STK4: variants seen among roughly 807,000 people sequenced by gnomAD.
STK4 encodes the protein serine/threonine kinase 4.
STK4 carries 30 observed loss-of-function variants against 64.9 expected under a neutral mutation model. That is an observed-to-expected ratio of 0.46 (90% CI 0.35 to 0.63). The LOEUF (loss-of-function observed/expected upper bound fraction) is 0.63. Among genes scored for constraint, STK4 ranks in the 20% least tolerant of loss-of-function variants. The pLI, the probability that STK4 is intolerant of heterozygous loss-of-function variation, is 0.01. For synonymous variants in STK4, 177 were observed against 199.0 expected (o/e 0.89, Z 0.93); for missense variants, 466 against 598.5 (o/e 0.78, Z 2.31).
intron 4 of STK4, among the ~76,000 whole-genome samples, chr20:44,982,878 A>G (rs1170836211): frequency 6.7e-6 from 1 of 148,538 alleles, no homozygotes; most frequent in Non-Finnish European, 1.5e-5. Flanking sequence ...AATAGAAAAG[A>G]TATAATAATG....
chr20:45,012,441 CTG>C (rs1418909769), intron 9 of STK4, among the ~76,000 whole-genome samples: 5 of 152,312 alleles, frequency 3.3e-5, no homozygotes, highest in African/African-American at 1.2e-4. Flanking sequence ...ATTGCCATCT[CTG>C]TGTTAATTCT....
chr20:45,016,736 C>G (rs542663183), intron 9 of STK4, among the ~76,000 whole-genome samples: 1 of 152,210 alleles, frequency 6.6e-6, no homozygotes, highest in South Asian at 2.1e-4. Context: ...GATAGCTACT[C>G]CAGTATAGTT....
chr20:45,055,244 C>T (rs1333752925), intron 10 of STK4, among the ~76,000 whole-genome samples: 2 of 152,174 alleles, frequency 1.3e-5, no homozygotes, highest in African/African-American at 4.8e-5. Context: ...TGGTTTCATC[C>T]TCTGTGGCTC....
intron 9 of STK4, among the ~76,000 whole-genome samples, chr20:45,023,812 C>T (rs2068292245): frequency 6.6e-6 from 1 of 151,998 alleles, no homozygotes. Flanking sequence ...CCAGTCTTCC[C>T]TGACCACACA....
chr20:44,966,891 C>CG (rs1212387684), intron 1 of STK4, among the ~76,000 whole-genome samples: 1 of 151,996 alleles, frequency 6.6e-6, no homozygotes, highest in Non-Finnish European at 1.5e-5. Flanking sequence ...CCGGGCCACT[C>CG]GGGGGAACGC....
intron 10 of STK4, 67 bp downstream of exon 10, chr20:45,025,197 G>T: frequency 6.6e-7 from 1 of 1,524,208 alleles, no homozygotes; most frequent in South Asian, 1.3e-5. Flanking sequence ...ACACATTAGT[G>T]CCCAAGCATT....
At chr20:45,037,454 A>C (rs1451962456) in intron 10 of STK4, among the ~76,000 whole-genome samples, 1 of 152,168 alleles carries the variant, frequency 6.6e-6, no homozygotes, top group Admixed American at 6.6e-5. Flanking sequence ...CTAATGCAGC[A>C]CAGAGAGCTA....
intron 10 of STK4, among the ~76,000 whole-genome samples, chr20:45,046,155 T>C (rs940317213): frequency 6.6e-5 from 10 of 152,024 alleles, no homozygotes; most frequent in African/African-American, 2.4e-4. Flanking sequence ...AAGAACATTT[T>C]TGGTTTTCGC....
At position 44,987,559 on chromosome 20, in the gene STK4, C is replaced by T. The variant is rs530213672; in HGVS notation, c.525+263C>T. On this transcript the variant is annotated intron_variant, in intron 5 of 10. Transcript: ENST00000372806. ...AATGATAGATTACTCTAGTGCACTA[C>T]ATCAACATATTTATAAAAGGAAGAA... Among the ~76,000 whole-genome samples, 6 of 152,192 alleles carry T rather than the reference C, an allele frequency of 3.9e-5. 1 individual carries two copies. Among genetic ancestry groups the T allele is most frequent in the Admixed American group, 2.6e-4 (4 of 15,294 alleles).
chr20:45,008,609 A>G (rs1365711478), intron 9 of STK4, among the ~76,000 whole-genome samples: 1 of 152,176 alleles, frequency 6.6e-6, no homozygotes, highest in Non-Finnish European at 1.5e-5. Flanking sequence ...GAAATTAGCA[A>G]ACTGCTTTTT....
intron 4 of STK4, among the ~76,000 whole-genome samples, chr20:44,984,399 T>C (rs886196629): frequency 1.3e-5 from 2 of 152,104 alleles, no homozygotes; most frequent in Non-Finnish European, 2.9e-5. Context: ...AGACGTGGTT[T>C]CACCGTGTTA....
intron 10 of STK4, among the ~76,000 whole-genome samples, chr20:45,044,033 C>T (rs754163125): frequency 1.9e-4 from 29 of 152,190 alleles, no homozygotes; most frequent in African/African-American, 5.3e-4. Context: ...AAAACTATTA[C>T]TGCTTGGAAA....
chr20:45,060,576 C>T (rs1978904683), intron 10 of STK4, among the ~76,000 whole-genome samples: 1 of 152,174 alleles, frequency 6.6e-6, no homozygotes, highest in African/African-American at 2.4e-5. Flanking sequence ...GGTTCCTATC[C>T]TAATTCAACC....
intron 10 of STK4, among the ~76,000 whole-genome samples, chr20:45,069,056 C>A (rs1159388750): frequency 6.6e-6 from 1 of 152,198 alleles, no homozygotes; most frequent in Non-Finnish European, 1.5e-5. Context: ...AGACATCAGA[C>A]CTCATCAGAC....
At position 45,074,886 on chromosome 20, in the gene STK4, C is replaced by T. The variant is rs77952754; in HGVS notation, c.1306-132C>T. 1,817 of 1,040,938 alleles carry T rather than the reference C, an allele frequency of 1.7e-3. 20 individuals are homozygous for T. The African/African-American group carries it at 0.026, about 15-fold the overall frequency. 64.5% of individuals were successfully genotyped at this position (1,040,938 alleles called of 1,614,324 possible). A position where few individuals can be genotyped will look rare whatever the true frequency, so the allele number is the denominator to read the frequency against. ...TTGTCACTTTCCAACCACCACCACT[C>T]AACCTGTGATCTGACCACAGTGTCT... is the stretch of plus-strand genomic sequence containing the variant. On this transcript the variant is annotated intron_variant, in intron 10 of 10. Transcript: ENST00000372806.
intron 2 of STK4, chr20:44,972,766 G>C (rs1200036132): frequency 6.6e-6 from 1 of 151,980 alleles, no homozygotes; most frequent in Non-Finnish European, 1.5e-5. Flanking sequence ...ATTCAATCCT[G>C]TGTATTTATT....
intron 5 of STK4, among the ~76,000 whole-genome samples, chr20:44,988,523 A>ATGTGTGTGTGTGTGTGTGTGTG (rs371237761): frequency 1.8e-5 from 2 of 108,596 alleles, no homozygotes; most frequent in East Asian, 6.1e-4. Flanking sequence ...GTGTATATAT[A>ATGTGTGTGTGTGTGTGTGTGTG]TGTGTGTGTG....
rs1490924969 is a variant in STK4, at chr20:45,026,128, G to GGTTTTTTTTTTTTTTTTTTTTTTTT, written c.1305+998_1305+999insGTTTTTTTTTTTTTTTTTTTTTTTT. ...TGTTCATTTACTTACTTATCCAGTG[G>GGTTTTTTTTTTTTTTTTTTTTTTTT]TTTTTTTTTTTTTTTTTGGATGTCA... On this transcript the variant is annotated intron_variant, in intron 10 of 10. Coordinates refer to ENST00000372806, the MANE Select transcript of STK4 (RefSeq NM_006282.5). 1.6e-5 allele frequency among the ~76,000 whole-genome samples: 2 copies of GGTTTTTTTTTTTTTTTTTTTTTTTT among 128,982 alleles called. 1 individual carries two copies. The highest frequency in any genetic ancestry group is 6.0e-5 in the African/African-American group (2 of 33,430). 84.6% of individuals were successfully genotyped at this position (128,982 alleles called of 152,430 possible). A position where few individuals can be genotyped will look rare whatever the true frequency, so the allele number is the denominator to read the frequency against.
At chr20:45,058,841 T>G (rs1187229403) in intron 10 of STK4, among the ~76,000 whole-genome samples, 1 of 152,174 alleles carries the variant, frequency 6.6e-6, no homozygotes, top group African/African-American at 2.4e-5. Context: ...ATGCCTCCCT[T>G]TAGTGCTTTC....
Sources: gnomAD v4.1 joint callset for allele counts (sites outside exome capture counted in the v4.1 genomes callset) on GRCh38, gnomAD v4.1.1 for gene constraint, MANE v1.5 for transcripts, NCBI Gene and HGNC (gene_info 2026-07-23, HGNC 2026-07-21) for gene names.